GFRA3: variants seen among roughly 807,000 people sequenced by gnomAD.
The protein encoded by GFRA3 is GDNF family receptor alpha 3.
GFRA3 carries 24 observed loss-of-function variants against 40.0 expected under a neutral mutation model. That is an observed-to-expected ratio of 0.60 (90% CI 0.43 to 0.84). The LOEUF (loss-of-function observed/expected upper bound fraction) is 0.84. GFRA3 is among the 40% of genes least tolerant of loss of function. The pLI, the probability that GFRA3 is intolerant of heterozygous loss-of-function variation, is 0.00. For synonymous variants in GFRA3, 203 were observed against 213.5 expected, an observed-to-expected ratio of 0.95 and a Z score of 0.43; for missense variants, 405 against 530.6, an observed-to-expected ratio of 0.76 and a Z score of 2.33.
intron 2 of GFRA3, among the ~76,000 whole-genome samples, chr5:138,261,686 T>C (rs1755712217): frequency 9.0e-6 from 1 of 110,664 alleles, no homozygotes; most frequent in Non-Finnish European, 1.7e-5. Flanking sequence ...AGAGGAAGAC[T>C]CTGTCTCAAA....
chr5:138,270,994 A>C (rs955775953), intron 1 of GFRA3, among the ~76,000 whole-genome samples: 1 of 151,984 alleles, frequency 6.6e-6, no homozygotes, highest in African/African-American at 2.4e-5. Context: ...TGGACTAAAA[A>C]TAATTTTTTT....
Position 138,274,511 on chromosome 5 carries a change from C to A in GFRA3, c.-87G>T. The A allele has an allele frequency of 8.1e-7, 1 of 1,237,850 alleles. No individual in the cohort carries two copies. Among genetic ancestry groups the A allele is most frequent in the Non-Finnish European group, 1.0e-6 (1 of 990,224 alleles). The allele number at this position is 1,237,850 out of a possible 1,614,324, so 76.7% of individuals were successfully genotyped here. On this transcript the variant is annotated 5_prime_UTR_variant, in exon 1 of 8. Transcript: ENST00000274721. ...GGGCTCCCTCGACCGGCACCTCCCG[C>A]CCCCGCCTCCCGCCCTCCAGCGCGA...
chr5:138,265,296 A>C (rs1755768006), intron 1 of GFRA3, among the ~76,000 whole-genome samples: 1 of 147,674 alleles, frequency 6.8e-6, no homozygotes, highest in Admixed American at 6.9e-5. Flanking sequence ...GGCTCAACGC[A>C]ACCTCCGCCT....
chr5:138,259,389 G>C (rs1268836108), intron 3 of GFRA3, among the ~76,000 whole-genome samples, 168 bp downstream of exon 3: 4 of 152,158 alleles, frequency 2.6e-5, no homozygotes, highest in African/African-American at 9.7e-5. Context: ...TGTGAGACCA[G>C]ATCATGCCCC....
At chr5:138,258,488 C>T (rs907397597) in intron 3 of GFRA3, among the ~76,000 whole-genome samples, 1 of 151,946 alleles carries the variant, frequency 6.6e-6, no homozygotes, top group Non-Finnish European at 1.5e-5. Flanking sequence ...GGCACAACTC[C>T]TCATCTTGAC....
intron 4 of GFRA3, 73 bp from the exon 5 acceptor site, chr5:138,254,233 G>A (rs1755595388): frequency 1.1e-6 from 1 of 879,674 alleles, no homozygotes; most frequent in South Asian, 1.4e-5. Flanking sequence ...TCTTGCCCAG[G>A]CTGGAGTGCA....
At chr5:138,258,101 T>A in intron 3 of GFRA3, 150 bp from the exon 4 acceptor site, 1 of 621,938 alleles carries the variant, frequency 1.6e-6, no homozygotes, top group South Asian at 1.6e-5. Context: ...CCACTCCTAA[T>A]CCAGGGCTTC....
chr5:138,273,167 C>A (rs892370449), intron 1 of GFRA3, among the ~76,000 whole-genome samples: 2 of 152,140 alleles, frequency 1.3e-5, no homozygotes, highest in Non-Finnish European at 2.9e-5. Flanking sequence ...ATATGCTTGG[C>A]TTTAGCAGGC....
At chr5:138,271,662 C>T (rs753100549) in intron 1 of GFRA3, among the ~76,000 whole-genome samples, 27 of 150,064 alleles carry the variant, frequency 1.8e-4, no homozygotes, top group Non-Finnish European at 3.2e-4. Flanking sequence ...CCTACAGTCT[C>T]GACCTCCCAG....
At chr5:138,255,781 C>A (rs994055360) in intron 4 of GFRA3, among the ~76,000 whole-genome samples, 3 of 151,746 alleles carry the variant, frequency 2.0e-5, no homozygotes, top group South Asian at 2.1e-4. Flanking sequence ...CACTTATAGT[C>A]CCAACATACT....
intron 4 of GFRA3, among the ~76,000 whole-genome samples, chr5:138,255,729 T>C (rs563892403): frequency 4.6e-5 from 7 of 151,858 alleles, no homozygotes; most frequent in Non-Finnish European, 1.0e-4. Flanking sequence ...CAAAACCCCA[T>C]CTCTACTAAA....
Position 138,258,422 on chromosome 5 carries a change from T to C in GFRA3, c.473-471A>G, listed in dbSNP as rs538548618. On this transcript the variant is annotated intron_variant, in intron 3 of 7. Coordinates refer to ENST00000274721, the MANE Select transcript of GFRA3 (RefSeq NM_001496.4). ...GTCTTGAACTCCCGACCTCAGGTAA[T>C]CCGCCCATCTCGGCCTCCCAAAGTG... 2.2e-4 allele frequency among the ~76,000 whole-genome samples: 34 copies of C among 152,104 alleles called. No homozygotes were observed. The East Asian group carries it at 6.2e-3, about 28-fold the overall frequency.
chr5:138,265,647 C>T (rs1451101990), intron 1 of GFRA3, among the ~76,000 whole-genome samples: 1 of 152,086 alleles, frequency 6.6e-6, no homozygotes, highest in African/African-American at 2.4e-5. Flanking sequence ...CAACTCTTCT[C>T]CTTCTTCCCT....
In GFRA3 at chr5:138,264,283, G is replaced by C. The variant is rs530859914; in HGVS notation, c.357C>G (p.Thr119=). 250 of 1,601,146 alleles carry C rather than the reference G, an allele frequency of 1.6e-4. No homozygotes were observed. The South Asian group carries it at 2.5e-3, about 16-fold the overall frequency. ...CACCAAGGCTGCGGGCACGGTGAACGGTCCAATAGATGTCCAAGCAGGCAA... is the reference window on the plus strand; with the variant it reads ...CACCAAGGCTGCGGGCACGGTGAACCGTCCAATAGATGTCCAAGCAGGCAA... ...NQVACLDIYW[T]VHRARSLGNY... Residue 119 remains threonine (T), a synonymous_variant, in exon 2 of 8, where the codon ACC becomes ACG. Coordinates refer to ENST00000274721, the MANE Select transcript of GFRA3 (RefSeq NM_001496.4).
chr5:138,273,063 G>C (rs1379463703), intron 1 of GFRA3, among the ~76,000 whole-genome samples: 4 of 152,268 alleles, frequency 2.6e-5, no homozygotes, highest in Non-Finnish European at 4.4e-5. Context: ...AGTCAAGACC[G>C]AGTCAAGGCT....
chr5:138,265,785 C>T (rs928763790), intron 1 of GFRA3, among the ~76,000 whole-genome samples: 4 of 152,164 alleles, frequency 2.6e-5, no homozygotes, highest in Non-Finnish European at 5.9e-5. Flanking sequence ...GCCTTGACCT[C>T]CTGGGTTCAA....
chr5:138,257,722 G>T lies in GFRA3; in HGVS notation c.702C>A (p.Thr234=). 1.2e-6 allele frequency: 2 copies of T among 1,609,914 alleles called. No homozygotes were observed. The highest frequency in any genetic ancestry group is 1.7e-6 in the Non-Finnish European group (2 of 1,178,360). Residue 234 remains threonine, a synonymous_variant, in exon 4 of 8, where the codon ACC becomes ACA. Transcript: ENST00000274721. ...GCGGCAGCGCGCAGTTGGGGGCGAT[G>T]GTGTTGCGCCGGCGCTCCCCGCAGC... ...DRGCGERRRN[T]IAPNCALPPV... is the part of the protein sequence containing the mutation.
intron 4 of GFRA3, 27 bp from the exon 5 acceptor site, chr5:138,254,187 CTTTTTTT>C: frequency 4.3e-6 from 4 of 938,336 alleles, no homozygotes; most frequent in Non-Finnish European, 6.6e-6. Flanking sequence ...TTCTGTCTTT[CTTTTTTT>C]TTTTTTTTTG....
chr5:138,261,315 T>TG, intron 2 of GFRA3, among the ~76,000 whole-genome samples: 1 of 152,322 alleles, frequency 6.6e-6, no homozygotes, highest in East Asian at 1.9e-4. Context: ...GGCAAGGTAC[T>TG]ACAAGATATA....
Sources: allele counts gnomAD v4.1 joint callset (sites outside exome capture counted in the v4.1 genomes callset), GRCh38; gene constraint gnomAD v4.1.1; transcripts MANE v1.5; gene names NCBI Gene and HGNC (gene_info 2026-07-23, HGNC 2026-07-21).